The following HCRTR2 variants were observed in gnomAD, a reference collection of about 807,000 sequenced individuals.
The protein encoded by HCRTR2 is orexin receptor type 2.
HCRTR2 carries 22 observed loss-of-function variants against 49.0 expected under a neutral mutation model. The observed-to-expected ratio is 0.45, with a 90% CI of 0.32 to 0.64. The LOEUF (loss-of-function observed/expected upper bound fraction) is 0.64, where lower values mean the gene tolerates loss of function less well. HCRTR2 is among the 30% of genes least tolerant of loss of function. The pLI, the probability that HCRTR2 is intolerant of heterozygous loss-of-function variation, is 0.04. For synonymous variants in HCRTR2, 236 were observed against 205.3 expected, an observed-to-expected ratio of 1.15 and a Z score of -1.28; for missense variants, 491 against 559.4, an observed-to-expected ratio of 0.88 and a Z score of 1.23.
At chr6:55,157,517 G>C (rs1764746774) in intron 1 of HCRTR2, among the ~76,000 whole-genome samples, 1 of 152,160 alleles carries the variant, frequency 6.6e-6, no homozygotes. Flanking sequence ...GATTGTAGAA[G>C]CCTAGGGCCT....
At chr6:55,125,759 G>A (rs1188196582) in intron 1 of HCRTR2, among the ~76,000 whole-genome samples, 1 of 151,982 alleles carries the variant, frequency 6.6e-6, no homozygotes, top group South Asian at 2.1e-4. Flanking sequence ...CCAATAGAAC[G>A]TATGTTTGGT....
intron 1 of HCRTR2, among the ~76,000 whole-genome samples, chr6:55,243,053 C>T (rs1408828057): frequency 6.6e-6 from 1 of 150,406 alleles, no homozygotes; most frequent in Non-Finnish European, 1.5e-5. Flanking sequence ...GGAGAATGTG[C>T]AGGAGCTATA....
chr6:55,211,894 T>A (rs1765702416), intron 1 of HCRTR2, among the ~76,000 whole-genome samples: 1 of 152,152 alleles, frequency 6.6e-6, no homozygotes, highest in South Asian at 2.1e-4. Context: ...ATTGTTAGTA[T>A]TTGATCAGCG....
upstream of HCRTR2, among the ~76,000 whole-genome samples, chr6:55,173,602 A>G (rs890202120): frequency 6.6e-6 from 1 of 152,216 alleles, no homozygotes. Context: ...TATTTACCAG[A>G]GAGAGCACTT....
intron 4 of HCRTR2, among the ~76,000 whole-genome samples, chr6:55,272,534 T>G (rs1266724657): frequency 2.0e-5 from 3 of 152,004 alleles, no homozygotes; most frequent in African/African-American, 7.2e-5. Flanking sequence ...CGCAATAAAA[T>G]GTTTTCTTTT....
chr6:55,235,174 G>A (rs1766191005), intron 1 of HCRTR2, among the ~76,000 whole-genome samples: 1 of 152,032 alleles, frequency 6.6e-6, no homozygotes, highest in South Asian at 2.1e-4. Context: ...TTTGTTGGCA[G>A]GGGGGATGTT....
At chr6:55,252,627 G>C (rs1384873032) in intron 2 of HCRTR2, among the ~76,000 whole-genome samples, 1 of 152,038 alleles carries the variant, frequency 6.6e-6, no homozygotes, top group East Asian at 1.9e-4. Flanking sequence ...TTGAGAAAGA[G>C]AGTTGAAGGT....
At chr6:55,177,916 T>A (rs1765068402) in intron 1 of HCRTR2, among the ~76,000 whole-genome samples, 1 of 152,156 alleles carries the variant, frequency 6.6e-6, no homozygotes, top group African/African-American at 2.4e-5. Context: ...ATGTTTAATG[T>A]GAAATTTTAA....
chr6:55,214,579 G>T (rs1765755549), intron 1 of HCRTR2, among the ~76,000 whole-genome samples: 1 of 151,798 alleles, frequency 6.6e-6, no homozygotes, highest in Non-Finnish European at 1.5e-5. Context: ...GACTTCAAGG[G>T]ATCCTCCTGA....
intron 3 of HCRTR2, among the ~76,000 whole-genome samples, chr6:55,258,529 C>T (rs1766695504): frequency 6.6e-6 from 1 of 152,070 alleles, no homozygotes; most frequent in Non-Finnish European, 1.5e-5. Context: ...TTGCCTATTA[C>T]TTCTTCATAA....
chr6:55,262,704 TTATTTATG>T (rs1314915433), intron 3 of HCRTR2, among the ~76,000 whole-genome samples: 2 of 142,988 alleles, frequency 1.4e-5, no homozygotes, highest in African/African-American at 5.1e-5. Flanking sequence ...GAATCTGAAT[TTATTTATG>T]TATTTATGTA....
intron 1 of HCRTR2, among the ~76,000 whole-genome samples, chr6:55,244,164 G>C (rs1237252911): frequency 6.6e-6 from 1 of 152,020 alleles, no homozygotes; most frequent in Non-Finnish European, 1.5e-5. Context: ...CAGAAACCCA[G>C]TTACTATTGG....
chr6:55,131,727 C>T (rs1161939584), intron 1 of HCRTR2, among the ~76,000 whole-genome samples: 2 of 151,738 alleles, frequency 1.3e-5, no homozygotes, highest in Non-Finnish European at 3.0e-5. Flanking sequence ...GAATTAATCT[C>T]ATGACAACAG....
intron 1 of HCRTR2, among the ~76,000 whole-genome samples, chr6:55,110,633 A>AG (rs35723242): frequency 0.55 from 83,772 of 151,716 alleles, 24,010 homozygotes; most frequent in East Asian, 0.84. Context: ...AAAGACAAAG[A>AG]GGGACATTAT....
At chr6:55,165,673 A>G (rs1279370868) in intron 1 of HCRTR2, among the ~76,000 whole-genome samples, 1 of 150,680 alleles carries the variant, frequency 6.6e-6, no homozygotes, top group African/African-American at 2.4e-5. Context: ...TATCAAGAGT[A>G]TGAAAAGAAA....
At position 55,277,479 on chromosome 6, in the gene HCRTR2, G is replaced by C. The variant is rs769781293; in HGVS notation, c.862G>C (p.Ala288Pro). The change falls in exon 5 of 7, where the codon GCT becomes CCT. Residue 288 changes from alanine to proline, a missense_variant. Coordinates refer to ENST00000370862, the MANE Select transcript of HCRTR2 (RefSeq NM_001384272.1). Reference sequence around the variant, plus strand: ...ACAGCCAACGAAGTCCCGGATGAGCGCTGTGGCGGCTGAAATAAAGCAGAT... The same window carrying C: ...ACAGCCAACGAAGTCCCGGATGAGCCCTGTGGCGGCTGAAATAAAGCAGAT... ...PGQPTKSRMS[A>P]VAAEIKQIRA... 2 of 1,614,046 alleles carry C rather than the reference G, an allele frequency of 1.2e-6. No individual in the cohort carries two copies. The highest frequency in any genetic ancestry group is 1.7e-6 in the Non-Finnish European group (2 of 1,179,972).
intron 1 of HCRTR2, among the ~76,000 whole-genome samples, chr6:55,155,148 C>T (rs1181778277): frequency 6.6e-6 from 1 of 151,440 alleles, no homozygotes; most frequent in Non-Finnish European, 1.5e-5. Context: ...TACATACTAC[C>T]CAAAACAACC....
intron 6 of HCRTR2, 137 bp downstream of exon 6, chr6:55,280,581 C>A (rs973441420): frequency 4.1e-6 from 5 of 1,224,656 alleles, no homozygotes; most frequent in African/African-American, 1.5e-5. Flanking sequence ...TCTTGAGTTT[C>A]TTCTCTTTTG....
At chr6:55,140,249 T>A (rs1581791417) in intron 1 of HCRTR2, among the ~76,000 whole-genome samples, 1 of 151,378 alleles carries the variant, frequency 6.6e-6, no homozygotes, top group Admixed American at 6.6e-5. Context: ...CTTTTTTCCA[T>A]TATATTGAAA....
Sources: allele counts gnomAD v4.1 joint callset (sites outside exome capture counted in the v4.1 genomes callset), GRCh38; gene constraint gnomAD v4.1.1; transcripts MANE v1.5; gene names NCBI Gene and HGNC (gene_info 2026-07-23, HGNC 2026-07-21).